Variants in NKAIN2 observed in about 807,000 individuals in gnomAD.
NKAIN2 encodes the protein sodium/potassium-transporting ATPase subunit beta-1-interacting protein 2.
In NKAIN2, 14 loss-of-function variants were observed where a neutral mutation model predicts 32.6. The observed-to-expected ratio is 0.43, with a 90% CI of 0.28 to 0.67. NKAIN2 has a LOEUF of 0.67. Ranked by LOEUF, NKAIN2 falls within the 30% of genes least tolerant of loss-of-function variation. The pLI is 0.17. For missense variants in NKAIN2, 198 were observed against 258.3 expected, an observed-to-expected ratio of 0.77 and a Z score of 1.60; for synonymous variants, 80 against 87.2, an observed-to-expected ratio of 0.92 and a Z score of 0.46.
At chr6:123,932,434 T>TTTTTTTTTTTC (rs1481221049) in intron 1 of NKAIN2, among the ~76,000 whole-genome samples, 1 of 91,790 alleles carries the variant, frequency 1.1e-5, no homozygotes, top group Non-Finnish European at 2.2e-5. Context: ...TTTTTTTTTT[T>TTTTTTTTTTTC]GAGAAAGAGT....
intron 3 of NKAIN2, among the ~76,000 whole-genome samples, chr6:124,430,635 G>T (rs186929940): frequency 6.6e-6 from 1 of 151,606 alleles, no homozygotes; most frequent in Admixed American, 6.6e-5. Context: ...TAGTATTCTT[G>T]CATGGTAGCT....
At chr6:124,442,523 A>G (rs9766943) in intron 3 of NKAIN2, among the ~76,000 whole-genome samples, 104,882 of 151,916 alleles carry the variant, frequency 0.69, 38,222 homozygotes, top group Non-Finnish European at 0.8. Flanking sequence ...TGGCATGGGG[A>G]TCTAAGACAC....
At chr6:124,095,906 C>T (rs961455365) in intron 1 of NKAIN2, among the ~76,000 whole-genome samples, 1 of 152,118 alleles carries the variant, frequency 6.6e-6, no homozygotes, top group African/African-American at 2.4e-5. Flanking sequence ...TGTATCTATG[C>T]ATGCATGTGA....
chr6:124,710,800 T>C (rs1404571951), intron 4 of NKAIN2, among the ~76,000 whole-genome samples: 1 of 148,692 alleles, frequency 6.7e-6, no homozygotes, highest in Non-Finnish European at 1.5e-5. Context: ...CCAGTCTGTG[T>C]CTTTTAATTG....
chr6:124,641,700 C>T (rs1358008140), intron 3 of NKAIN2, among the ~76,000 whole-genome samples: 1 of 151,352 alleles, frequency 6.6e-6, no homozygotes, highest in African/African-American at 2.4e-5. Context: ...TACAGGTGTG[C>T]ACCACCATGC....
intron 3 of NKAIN2, among the ~76,000 whole-genome samples, chr6:124,443,698 A>C (rs1460767213): frequency 6.6e-6 from 1 of 152,068 alleles, no homozygotes; most frequent in Non-Finnish European, 1.5e-5. Flanking sequence ...GGACTTCCTC[A>C]TTACAGTAGT....
chr6:124,398,061 C>G (rs750773633), intron 3 of NKAIN2, among the ~76,000 whole-genome samples: 5 of 151,222 alleles, frequency 3.3e-5, no homozygotes, highest in Non-Finnish European at 4.4e-5. Context: ...AGACCATCCT[C>G]GCTAACACGG....
intron 1 of NKAIN2, among the ~76,000 whole-genome samples, chr6:124,064,763 G>T (rs575690350): frequency 1.3e-5 from 2 of 151,748 alleles, no homozygotes; most frequent in South Asian, 4.3e-4. Context: ...ACAGTTTCCA[G>T]TGTTAGCAGC....
At position 124,156,317 on chromosome 6, in the gene NKAIN2, C is replaced by T. The variant is rs556306844; in HGVS notation, c.55-126688C>T. ...CTTTAAAATTGGTTTCGATGATTCA[C>T]GCATGTGTAGATATTTATTGAGCAC... is the stretch of plus-strand genomic sequence containing the variant. On this transcript the variant is annotated intron_variant, in intron 1 of 6. Coordinates refer to ENST00000368417, the MANE Select transcript of NKAIN2 (RefSeq NM_001040214.3). 7.9e-5 allele frequency among the ~76,000 whole-genome samples: 12 copies of T among 152,190 alleles called. No individual in the cohort carries two copies. The South Asian group carries it at 1.5e-3, about 18-fold the overall frequency.
intron 3 of NKAIN2, among the ~76,000 whole-genome samples, chr6:124,506,335 C>T (rs75463963): frequency 1.7e-3 from 264 of 152,276 alleles, no homozygotes; most frequent in African/African-American, 6.1e-3. Context: ...CAAGTTCAAA[C>T]TTGAAAGTGG....
At chr6:124,104,780 G>T (rs927050998) in intron 1 of NKAIN2, among the ~76,000 whole-genome samples, 1 of 152,138 alleles carries the variant, frequency 6.6e-6, no homozygotes, top group Non-Finnish European at 1.5e-5. Flanking sequence ...TATAGTTACT[G>T]CACAGCATTA....
intron 3 of NKAIN2, among the ~76,000 whole-genome samples, chr6:124,488,289 T>A (rs994764957): frequency 6.6e-6 from 1 of 152,074 alleles, no homozygotes; most frequent in African/African-American, 2.4e-5. Context: ...CACATTTTTT[T>A]AACAACCTTG....
At chr6:124,007,509 C>T (rs1780125380) in intron 1 of NKAIN2, among the ~76,000 whole-genome samples, 1 of 152,178 alleles carries the variant, frequency 6.6e-6, no homozygotes, top group South Asian at 2.1e-4. Context: ...TCAGGGATGG[C>T]TAAACTTTCT....
chr6:124,560,975 C>G (rs575622668), intron 3 of NKAIN2, among the ~76,000 whole-genome samples: 1 of 152,244 alleles, frequency 6.6e-6, no homozygotes, highest in East Asian at 1.9e-4. Flanking sequence ...TGAAGCCCAG[C>G]AATCTTCTAG....
At chr6:124,352,804 G>T (rs1562508363) in intron 2 of NKAIN2, among the ~76,000 whole-genome samples, 1 of 152,134 alleles carries the variant, frequency 6.6e-6, no homozygotes, top group African/African-American at 2.4e-5. Flanking sequence ...TATAACTGAA[G>T]TTCCTCTCTT....
chr6:124,476,152 T>C, intron 3 of NKAIN2, among the ~76,000 whole-genome samples: 1 of 150,452 alleles, frequency 6.6e-6, no homozygotes, highest in East Asian at 2.0e-4. Context: ...TTCTTATCCT[T>C]GGACTTTAAA....
At chr6:124,437,712 T>C (rs1178797431) in intron 3 of NKAIN2, among the ~76,000 whole-genome samples, 1 of 152,096 alleles carries the variant, frequency 6.6e-6, no homozygotes, top group African/African-American at 2.4e-5. Flanking sequence ...GGTTAAGTGC[T>C]ATGAGGTAAG....
chr6:124,646,757 C>T (rs1265427570), intron 3 of NKAIN2, among the ~76,000 whole-genome samples: 4 of 151,980 alleles, frequency 2.6e-5, no homozygotes, highest in African/African-American at 7.3e-5. Context: ...TTGAGACCAG[C>T]CTGGCTAACA....
chr6:124,442,512 A>G (rs1775732221), intron 3 of NKAIN2, among the ~76,000 whole-genome samples: 3 of 152,080 alleles, frequency 2.0e-5, no homozygotes. Flanking sequence ...ATAATGGTGG[A>G]TGGCATGGGG....
Sources: allele counts gnomAD v4.1 joint callset (sites outside exome capture counted in the v4.1 genomes callset), GRCh38; gene constraint gnomAD v4.1.1; transcripts MANE v1.5; gene names NCBI Gene and HGNC (gene_info 2026-07-23, HGNC 2026-07-21).